UBR1: variants seen among roughly 807,000 people sequenced by gnomAD.
UBR1 encodes E3 ubiquitin-protein ligase UBR1.
Under a neutral mutation model 242.1 loss-of-function variants are expected in UBR1, and 102 were observed. The ratio of observed to expected loss-of-function variants is 0.42; its 90% confidence interval spans 0.36 to 0.50. The LOEUF is 0.50. UBR1 is among the 20% of genes least tolerant of loss of function. The pLI is 0.01. For synonymous variants in UBR1, 675 were observed against 684.8 expected (o/e 0.99, Z 0.22); for missense variants, 1,772 against 2,101.8 (o/e 0.84, Z 3.07).
Position 43,040,674 on chromosome 15 carries a change from A to G in UBR1, c.1850-2442T>C, listed in dbSNP as rs548122404. Among the ~76,000 whole-genome samples, 35 of 152,328 alleles carry G rather than the reference A, an allele frequency of 2.3e-4. No homozygotes were observed. In the East Asian group the frequency reaches 6.2e-3, roughly 27 times the overall value. On this transcript the variant is annotated intron_variant, in intron 15 of 46. Transcript: ENST00000290650. ...GAACAGGCAACCTACAGAATGGGAG[A>G]AAATTTTTGCAATCTACTCATCTGA...
chr15:42,966,010 C>T (rs746966396), intron 41 of UBR1, 143 bp downstream of exon 41: 171 of 1,228,608 alleles, frequency 1.4e-4, no homozygotes, highest in Non-Finnish European at 1.9e-4. Flanking sequence ...TACACCAGGG[C>T]TCATGTTTGA....
rs147555392 is a variant in UBR1 at position 43,085,654 on chromosome 15, C to G, written c.338+330G>C. Reference sequence around the variant, plus strand: ...ATCCCAGCACTTTGTGAGGCTGAGGCATGTGGATCACTTGAGGCCAGGAGT... The same window carrying G: ...ATCCCAGCACTTTGTGAGGCTGAGGGATGTGGATCACTTGAGGCCAGGAGT... On this transcript the variant is annotated intron_variant, in intron 2 of 46. Transcript: ENST00000290650. 7.2e-3 allele frequency among the ~76,000 whole-genome samples: 1,090 copies of G among 152,190 alleles called. 5 individuals are homozygous for G. The highest frequency in any genetic ancestry group is 0.02 in the Middle Eastern group (6 of 294).
intron 40 of UBR1, among the ~76,000 whole-genome samples, chr15:42,970,051 A>T (rs1180787937): frequency 6.6e-6 from 1 of 152,228 alleles, no homozygotes; most frequent in African/African-American, 2.4e-5. Context: ...TCCTAAGCAA[A>T]AAGAACAAAG....
intron 5 of UBR1, among the ~76,000 whole-genome samples, chr15:43,068,345 C>T (rs1329438305): frequency 1.3e-5 from 2 of 151,774 alleles, no homozygotes; most frequent in Non-Finnish European, 2.9e-5. Flanking sequence ...CGTGTCACCA[C>T]ACCCCAGCTA....
chr15:43,044,881 C>T (rs543900619), intron 14 of UBR1, among the ~76,000 whole-genome samples: 2 of 151,098 alleles, frequency 1.3e-5, no homozygotes, highest in South Asian at 2.1e-4. Context: ...GGTGACAGAG[C>T]GAGACTCCAT....
intron 3 of UBR1, 55 bp from the exon 4 acceptor site, chr15:43,075,144 G>T: frequency 7.9e-7 from 1 of 1,267,866 alleles, no homozygotes; most frequent in Non-Finnish European, 1.2e-6. Context: ...TAAGCATGAA[G>T]AATGATAAAG....
rs747335787 is a variant in UBR1, at chr15:42,983,901, T to C, written c.4146A>G (p.Leu1382=). The C allele has an allele frequency of 1.4e-5, 22 of 1,610,296 alleles. 1 individual carries two copies. In the South Asian group the frequency reaches 2.3e-4, roughly 17 times the overall value. ...ATAGTTCAGAGAAGACTCTACCTGATAGAAGACGAACCAGATGTTTCTGTA... is the reference window on the plus strand; with the variant it reads ...ATAGTTCAGAGAAGACTCTACCTGACAGAAGACGAACCAGATGTTTCTGTA... ...VLIQKHLVRL[L]SVVLPNIKSE... is the part of the protein sequence containing the mutation. Residue 1382 remains leucine, a synonymous_variant, in exon 37 of 47, where the codon CTA becomes CTG. Transcript: ENST00000290650.
chr15:42,983,350 A>G (rs1217005774), intron 37 of UBR1, among the ~76,000 whole-genome samples: 2 of 152,212 alleles, frequency 1.3e-5, no homozygotes, highest in East Asian at 3.9e-4. Context: ...TTTGGAAAAT[A>G]CAGATTTTAA....
intron 15 of UBR1, among the ~76,000 whole-genome samples, chr15:43,041,599 CAAAA>C (rs1162860299): frequency 1.3e-5 from 2 of 151,040 alleles, no homozygotes; most frequent in Non-Finnish European, 3.0e-5. Context: ...AATTAAAAAA[CAAAA>C]AAACAAAAAA....
intron 3 of UBR1, among the ~76,000 whole-genome samples, chr15:43,081,781 T>TA (rs1402372435): frequency 1.3e-5 from 2 of 152,140 alleles, no homozygotes; most frequent in African/African-American, 4.8e-5. Context: ...TTTATTCTCT[T>TA]AAAAATCCAT....
At chr15:43,087,084 C>T (rs565441431) in intron 1 of UBR1, among the ~76,000 whole-genome samples, 2 of 152,266 alleles carry the variant, frequency 1.3e-5, no homozygotes, top group South Asian at 2.1e-4. Context: ...AAAACAACAA[C>T]AAAAACTTAT....
chr15:43,070,248 T>TAAAAAAA (rs746635905), intron 5 of UBR1, among the ~76,000 whole-genome samples: 1 of 25,234 alleles, frequency 4.0e-5, no homozygotes, highest in Non-Finnish European at 8.5e-5. Context: ...GAGTTCTAGC[T>TAAAAAAA]AAAAAAAAAA....
Position 42,950,429 on chromosome 15 carries a change from A to G in UBR1, c.5007-66T>C. On this transcript the variant is annotated intron_variant, in intron 45 of 46. Coordinates refer to ENST00000290650, the MANE Select transcript of UBR1 (RefSeq NM_174916.3). ...TGTGCAAATGATAGGCACTGCATCAATGTTAACCTAGAGAAAAGACGTGGC... is the reference window on the plus strand; with the variant it reads ...TGTGCAAATGATAGGCACTGCATCAGTGTTAACCTAGAGAAAAGACGTGGC... The G allele has an allele frequency of 3.6e-6, 5 of 1,391,138 alleles. No individual in the cohort carries two copies. The South Asian group carries it at 5.8e-5, about 16-fold the overall frequency. 86.2% of individuals were successfully genotyped at this position (1,391,138 alleles called of 1,614,324 possible).
chr15:42,972,102 T>C (rs2032216272), intron 39 of UBR1, among the ~76,000 whole-genome samples: 1 of 152,228 alleles, frequency 6.6e-6, no homozygotes, highest in African/African-American at 2.4e-5. Context: ...TGTGTAATAA[T>C]GACATGCATG....
intron 10 of UBR1, among the ~76,000 whole-genome samples, chr15:43,057,281 T>C (rs2033630169): frequency 1.3e-5 from 2 of 152,224 alleles, no homozygotes; most frequent in South Asian, 2.1e-4. Context: ...TACTTTTAAG[T>C]CTGCATATAA....
At chr15:43,102,200 C>G (rs934801467) in intron 1 of UBR1, among the ~76,000 whole-genome samples, 3 of 152,134 alleles carry the variant, frequency 2.0e-5, no homozygotes, top group Admixed American at 6.6e-5. Flanking sequence ...AATCTATCAG[C>G]AAGTCTTTTT....
chr15:42,998,311 C>A, intron 32 of UBR1, 46 bp from the exon 33 acceptor site: 2 of 1,528,612 alleles, frequency 1.3e-6, no homozygotes, highest in South Asian at 2.3e-5. Context: ...GGTACAAAGT[C>A]AAATGGAAAA....
chr15:43,036,425 G>T, intron 18 of UBR1, 103 bp downstream of exon 18: 1 of 1,189,728 alleles, frequency 8.4e-7, no homozygotes, highest in Non-Finnish European at 1.3e-6. Flanking sequence ...GTTTAACAGT[G>T]AGAGTATTTT....
intron 33 of UBR1, among the ~76,000 whole-genome samples, chr15:42,992,762 T>C (rs2032575762): frequency 6.6e-6 from 1 of 152,178 alleles, no homozygotes; most frequent in Non-Finnish European, 1.5e-5. Flanking sequence ...AGGGCCCTTT[T>C]CCCCAGTTTC....
Sources: gnomAD v4.1 joint callset for allele counts (sites outside exome capture counted in the v4.1 genomes callset) on GRCh38, gnomAD v4.1.1 for gene constraint, MANE v1.5 for transcripts, NCBI Gene and HGNC (gene_info 2026-07-23, HGNC 2026-07-21) for gene names.